Variants in PPP1R21 observed in about 807,000 individuals in gnomAD.
The protein encoded by PPP1R21 is protein phosphatase 1 regulatory subunit 21.
Under a neutral mutation model 112.8 loss-of-function variants are expected in PPP1R21, and 85 were observed. That is an observed-to-expected ratio of 0.75 (90% CI 0.63 to 0.90). The LOEUF is 0.90. Among genes scored for constraint, PPP1R21 ranks in the 40% least tolerant of loss-of-function variants. PPP1R21 has a pLI of 0.00. For missense variants in PPP1R21, 1,199 were observed against 901.5 expected, an observed-to-expected ratio of 1.33 and a Z score of -4.23; for synonymous variants, 381 against 322.3, an observed-to-expected ratio of 1.18 and a Z score of -1.95.
chr2:48,484,514 CTTTT>C (rs56150780), intron 13 of PPP1R21, among the ~76,000 whole-genome samples: 3 of 122,990 alleles, frequency 2.4e-5, no homozygotes, highest in Admixed American at 2.4e-4. Context: ...AAAGAATAAA[CTTTT>C]TTTTTTTTTT....
At chr2:48,441,931 C>G (rs911788808) in intron 1 of PPP1R21, among the ~76,000 whole-genome samples, 1 of 152,182 alleles carries the variant, frequency 6.6e-6, no homozygotes, top group African/African-American at 2.4e-5. Flanking sequence ...CATTTTATTC[C>G]TTAAGATTTC....
intron 1 of PPP1R21, among the ~76,000 whole-genome samples, chr2:48,442,993 A>G (rs1471600784): frequency 6.6e-6 from 1 of 152,172 alleles, no homozygotes; most frequent in Non-Finnish European, 1.5e-5. Context: ...AAAAGCAGGG[A>G]GTAGACTGTT....
rs1320820741 is a variant in PPP1R21 at position 48,479,953 on chromosome 2, A to G, written c.1255A>G (p.Asn419Asp). The G allele has an allele frequency of 6.2e-7, 1 of 1,613,008 alleles. No individual in the cohort carries two copies. The highest frequency in any genetic ancestry group is 8.5e-7 in the Non-Finnish European group (1 of 1,178,968). ...AGAGCCAGATGGACTCCTTCGGACA[A>G]ACTACAGTTCTGTGTTAACAAATGT... ...STEPDGLLRT[N>D]YSSVLTNVGA... Residue 419 changes from asparagine to aspartate, a missense_variant, in exon 13 of 22, where the codon AAC becomes GAC. Transcript: ENST00000294952.
At chr2:48,497,801 G>A (rs1021658354) in intron 16 of PPP1R21, among the ~76,000 whole-genome samples, 12 of 151,810 alleles carry the variant, frequency 7.9e-5, no homozygotes, top group African/African-American at 1.7e-4. Context: ...ACAGGCGCCC[G>A]CCGCCACACC....
At chr2:48,468,382 A>G (rs1197992003) in intron 9 of PPP1R21, among the ~76,000 whole-genome samples, 1 of 152,200 alleles carries the variant, frequency 6.6e-6, no homozygotes, top group Non-Finnish European at 1.5e-5. Context: ...TGAAGTTTGT[A>G]AAAATTAAAC....
At chr2:48,477,116 A>C (rs1434696916) in intron 12 of PPP1R21, among the ~76,000 whole-genome samples, 3 of 114,770 alleles carry the variant, frequency 2.6e-5, no homozygotes, top group Non-Finnish European at 5.4e-5. Context: ...TTTTGAATTA[A>C]TTTTTTTTTT....
chr2:48,506,934 G>T, intron 18 of PPP1R21, among the ~76,000 whole-genome samples: 1 of 127,052 alleles, frequency 7.9e-6, no homozygotes, highest in African/African-American at 3.1e-5. Context: ...GACGGAGTGA[G>T]ACTCTGCCTC....
At chr2:48,496,666 C>T (rs1010995260) in intron 16 of PPP1R21, among the ~76,000 whole-genome samples, 15 of 152,188 alleles carry the variant, frequency 9.9e-5, no homozygotes, top group Admixed American at 6.5e-4. Context: ...CAGGGTTTCG[C>T]CACATTGGCC....
chr2:48,444,123 G>T (rs180736011), intron 1 of PPP1R21, among the ~76,000 whole-genome samples: 1 of 152,194 alleles, frequency 6.6e-6, no homozygotes. Context: ...ATGAACTGTG[G>T]AGGTCAAAGC....
intron 3 of PPP1R21, among the ~76,000 whole-genome samples, chr2:48,455,351 C>G (rs990657214): frequency 6.6e-6 from 1 of 151,804 alleles, no homozygotes; most frequent in Non-Finnish European, 1.5e-5. Context: ...CCATGTTGGT[C>G]AGGCTGGTCT....
At chr2:48,482,146 C>G (rs1669043633) in intron 13 of PPP1R21, among the ~76,000 whole-genome samples, 1 of 152,106 alleles carries the variant, frequency 6.6e-6, no homozygotes, top group Non-Finnish European at 1.5e-5. Flanking sequence ...TCAGTGTAAA[C>G]AGAGGGATTT....
At chr2:48,499,477 C>T (rs1409618982) in intron 17 of PPP1R21, among the ~76,000 whole-genome samples, 1 of 152,184 alleles carries the variant, frequency 6.6e-6, no homozygotes, top group African/African-American at 2.4e-5. Flanking sequence ...AACTCCAACA[C>T]TTTGGGAAGC....
chr2:48,463,990 C>A (rs1257177522), intron 7 of PPP1R21, among the ~76,000 whole-genome samples: 1 of 152,090 alleles, frequency 6.6e-6, no homozygotes, highest in Non-Finnish European at 1.5e-5. Context: ...ATAAAATAGG[C>A]ACACGGCAAT....
chr2:48,459,786 G>A lies in PPP1R21; in HGVS notation c.408G>A (p.Val136=). Residue 136 remains valine (V), a synonymous_variant, in exon 5 of 22, where the codon GTG becomes GTA. Transcript: ENST00000294952. ...AAGCTGATGAGCAGCACAAGCATGT[G>A]GAAGCAGAGCTGAGGAGTCGACTGG... ...FFEADEQHKH[V]EAELRSRLAT... The A allele has an allele frequency of 6.2e-7, 1 of 1,613,922 alleles. No homozygotes were observed.
At position 48,484,765 on chromosome 2, in the gene PPP1R21, G is replaced by A. The variant is rs187676543; in HGVS notation, c.1319-1866G>A. Among the ~76,000 whole-genome samples, 353 of 152,158 alleles carry A rather than the reference G, an allele frequency of 2.3e-3. 1 individual carries two copies. Among genetic ancestry groups the A allele is most frequent in the Non-Finnish European group, 2.8e-3 (193 of 68,002 alleles). ...TCCTGGCCTCCAGTGATCTGCCCAC[G>A]TCGGTCTCCCAAAGTGCTAGATTAC... On this transcript the variant is annotated intron_variant, in intron 13 of 21. Coordinates refer to ENST00000294952, the MANE Select transcript of PPP1R21 (RefSeq NM_001135629.3).
chr2:48,501,021 A>G (rs1426234962), intron 17 of PPP1R21, among the ~76,000 whole-genome samples: 2 of 152,186 alleles, frequency 1.3e-5, no homozygotes, highest in Admixed American at 6.5e-5. Context: ...TCACAGGACA[A>G]TCCTGTAGTG....
At chr2:48,489,800 C>T (rs953993489) in intron 14 of PPP1R21, among the ~76,000 whole-genome samples, 1 of 151,588 alleles carries the variant, frequency 6.6e-6, no homozygotes, top group Admixed American at 6.6e-5. Context: ...AATTCCAGCA[C>T]TTTGGGAGGC....
chr2:48,447,305 G>A (rs1427453425), intron 1 of PPP1R21, among the ~76,000 whole-genome samples: 1 of 152,114 alleles, frequency 6.6e-6, no homozygotes, highest in East Asian at 1.9e-4. Context: ...GAAGGGCTGT[G>A]CTCTCAAAGT....
In PPP1R21 at chr2:48,464,947, G is replaced by T. The variant is rs1325491785; in HGVS notation, c.705G>T (p.Gln235His). The change falls in exon 8 of 22, where the codon CAG becomes CAT. Residue 235 changes from glutamine (Q) to histidine (H), a missense_variant. Transcript: ENST00000294952. ...ATTTTTCTTCTGTAGAATATAGTCA[G>T]TACAACGCTCTGAACGTTCCACTCC... Reference protein sequence around the residue: ...KVPFNDTKYSQYNALNVPLHN... With the variant: ...KVPFNDTKYSHYNALNVPLHN... The T allele has an allele frequency of 1.3e-5, 20 of 1,564,324 alleles. No individual in the cohort carries two copies. The highest frequency in any genetic ancestry group is 1.6e-5 in the Non-Finnish European group (19 of 1,164,834).
Sources: allele counts gnomAD v4.1 joint callset (sites outside exome capture counted in the v4.1 genomes callset), GRCh38; gene constraint gnomAD v4.1.1; transcripts MANE v1.5; gene names NCBI Gene and HGNC (gene_info 2026-07-23, HGNC 2026-07-21).